Variants in DNAH11 observed in about 807,000 individuals in gnomAD.
DNAH11 encodes the protein dynein axonemal heavy chain 11, also known as axonemal beta dynein heavy chain 11.
In DNAH11, 442 loss-of-function variants were observed where a neutral mutation model predicts 526.0. That is an observed-to-expected ratio of 0.84 (90% CI 0.78 to 0.91). The LOEUF is 0.91. DNAH11 is among the 40% of genes least tolerant of loss of function. The pLI is 0.00. For missense variants in DNAH11, 6,989 were observed against 5,448.7 expected (o/e 1.28, Z -8.90); for synonymous variants, 2,461 against 1,935.9 (o/e 1.27, Z -7.12).
chr7:21,613,388 T>C (rs17144785), intron 20 of DNAH11, among the ~76,000 whole-genome samples: 4,186 of 152,294 alleles, frequency 0.027, 128 homozygotes, highest in South Asian at 0.081. Context: ...CATTAAAAAT[T>C]ATTAGTCATA....
chr7:21,806,679 A>AT (rs1483624586), intron 62 of DNAH11, among the ~76,000 whole-genome samples: 1 of 151,822 alleles, frequency 6.6e-6, no homozygotes, highest in African/African-American at 2.4e-5. Flanking sequence ...CAAATTGCTG[A>AT]TTTTTTTTCA....
At chr7:21,623,916 GTAAC>G (rs1022368993) in intron 25 of DNAH11, among the ~76,000 whole-genome samples, 10 of 151,292 alleles carry the variant, frequency 6.6e-5, no homozygotes, top group Non-Finnish European at 1.2e-4. Context: ...GTATACATAT[GTAAC>G]TAACCTGCAC....
chr7:21,824,870 G>A (rs769097837), intron 65 of DNAH11, among the ~76,000 whole-genome samples: 12 of 151,870 alleles, frequency 7.9e-5, no homozygotes, highest in Non-Finnish European at 1.6e-4. Context: ...TTGCAAATTC[G>A]TTACTATAAT....
At chr7:21,678,841 A>C (rs1414449904) in intron 30 of DNAH11, among the ~76,000 whole-genome samples, 1 of 152,216 alleles carries the variant, frequency 6.6e-6, no homozygotes, top group East Asian at 1.9e-4. Context: ...AATATTAAAA[A>C]TAGGACTACC....
At chr7:21,827,243 A>C (rs888127475) in intron 65 of DNAH11, among the ~76,000 whole-genome samples, 3 of 152,220 alleles carry the variant, frequency 2.0e-5, no homozygotes, top group African/African-American at 7.2e-5. Flanking sequence ...AGACAATCCT[A>C]ATTTTAAATA....
chr7:21,588,807 A>G (rs1335537061), intron 11 of DNAH11, among the ~76,000 whole-genome samples, 171 bp downstream of exon 11: 1 of 152,144 alleles, frequency 6.6e-6, no homozygotes, highest in Non-Finnish European at 1.5e-5. Context: ...GAATATTTCT[A>G]ATGGGACTCT....
At chr7:21,764,570 G>A (rs1374836350) in intron 54 of DNAH11, among the ~76,000 whole-genome samples, 1 of 152,212 alleles carries the variant, frequency 6.6e-6, no homozygotes, top group African/African-American at 2.4e-5. Flanking sequence ...AGAAGGAAAG[G>A]ATGCTCACTG....
chr7:21,868,926 C>G lies in DNAH11; in HGVS notation c.11902C>G (p.Gln3968Glu). The G allele has an allele frequency of 6.2e-7, 1 of 1,613,942 alleles. No homozygotes were observed. The highest frequency in any genetic ancestry group is 8.5e-7 in the Non-Finnish European group (1 of 1,179,884). The change falls in exon 73 of 82, where the codon CAG becomes GAG. Residue 3968 changes from glutamine (Q) to glutamate (E), a missense_variant. Coordinates refer to ENST00000409508, the MANE Select transcript of DNAH11 (RefSeq NM_001277115.2). The stretch of plus-strand genomic sequence containing the variant: ...CCACAATGTGTCTTTAGGACAAGGT[C>G]AGGAGACGGTGGCAGAAGTGGCCCT... ...KFHNVSLGQG[Q>E]ETVAEVALEK...
Position 21,543,642 on chromosome 7 carries a change from C to G in DNAH11, c.351+46C>G, listed in dbSNP as rs527759620. ...GGACCTGCCCATCCAACAAAACTAC[C>G]CAGGGGAGACAGCCCAGTCGCTCCC... On this transcript the variant is annotated intron_variant, in intron 1 of 81. Coordinates refer to ENST00000409508, the MANE Select transcript of DNAH11 (RefSeq NM_001277115.2). 164 of 1,536,794 alleles carry G rather than the reference C, an allele frequency of 1.1e-4. 1 individual carries two copies. In the Middle Eastern group the frequency reaches 2.5e-3, roughly 24 times the overall value.
At position 21,651,832 on chromosome 7, in the gene DNAH11, C is replaced by G. The variant is rs144509093; in HGVS notation, c.4945-4000C>G. On this transcript the variant is annotated intron_variant, in intron 28 of 81. Coordinates refer to ENST00000409508, the MANE Select transcript of DNAH11 (RefSeq NM_001277115.2). ...CATAGTTGATTACTAACTCTCCAGC[C>G]CACAAAAATCACTGCCTAAGTAACA... 3.3e-4 allele frequency among the ~76,000 whole-genome samples: 50 copies of G among 152,250 alleles called. 1 individual carries two copies. Among genetic ancestry groups the G allele is most frequent in the African/African-American group, 1.2e-3 (48 of 41,562 alleles).
chr7:21,844,309 G>C (rs111637269), intron 66 of DNAH11, among the ~76,000 whole-genome samples: 3,430 of 152,192 alleles, frequency 0.023, 134 homozygotes, highest in African/African-American at 0.078. Flanking sequence ...AACCGTAGCC[G>C]CAGCTACTGA....
intron 63 of DNAH11, among the ~76,000 whole-genome samples, chr7:21,811,852 G>A (rs895227273): frequency 6.6e-6 from 1 of 152,086 alleles, no homozygotes; most frequent in African/African-American, 2.4e-5. Flanking sequence ...TCAAAGAGTT[G>A]GGTACAGGAA....
At chr7:21,714,936 T>A (rs904250565) in intron 42 of DNAH11, among the ~76,000 whole-genome samples, 1 of 152,226 alleles carries the variant, frequency 6.6e-6, no homozygotes, top group Non-Finnish European at 1.5e-5. Flanking sequence ...CTTTCTTCTA[T>A]TACTTGAGCT....
intron 45 of DNAH11, among the ~76,000 whole-genome samples, chr7:21,734,044 C>A: frequency 6.6e-6 from 1 of 152,156 alleles, no homozygotes; most frequent in Non-Finnish European, 1.5e-5. Context: ...GCAGGATTCA[C>A]ACCCAGGCAG....
intron 54 of DNAH11, among the ~76,000 whole-genome samples, chr7:21,754,770 C>G (rs1786558217): frequency 6.6e-6 from 1 of 152,156 alleles, no homozygotes; most frequent in South Asian, 2.1e-4. Flanking sequence ...CTGTGGAAGG[C>G]TAATGGTCAG....
intron 63 of DNAH11, among the ~76,000 whole-genome samples, chr7:21,811,293 C>A (rs997477604): frequency 6.6e-6 from 1 of 151,226 alleles, no homozygotes; most frequent in Non-Finnish European, 1.5e-5. Flanking sequence ...TGAAACCCCC[C>A]CCCCTACTAA....
chr7:21,847,629 A>G lies in DNAH11; in HGVS notation c.10897-4838A>G, dbSNP rs146523116. Among the ~76,000 whole-genome samples, 154 of 152,256 alleles carry G rather than the reference A, an allele frequency of 1.0e-3. 2 individuals carry two copies. The highest frequency in any genetic ancestry group is 3.6e-3 in the African/African-American group (149 of 41,538). ...AATGTTCCATGTGAGCTTGAGAAAA[A>G]TGTATATTCTTCTGTAAGTGGATGA... On this transcript the variant is annotated intron_variant, in intron 66 of 81. Transcript: ENST00000409508.
intron 18 of DNAH11, among the ~76,000 whole-genome samples, chr7:21,602,556 ATT>A (rs1491184173): frequency 1.2e-4 from 12 of 103,494 alleles, no homozygotes; most frequent in Non-Finnish European, 1.6e-4. Context: ...TATTTTATAG[ATT>A]GTGTGTGTGT....
intron 50 of DNAH11, 42 bp from the exon 51 acceptor site, chr7:21,744,828 G>T: frequency 6.4e-7 from 1 of 1,571,948 alleles, no homozygotes; most frequent in Non-Finnish European, 8.6e-7. Flanking sequence ...GGACCTCTAT[G>T]GATGGTTGAC....
Sources: gnomAD v4.1 joint callset for allele counts (sites outside exome capture counted in the v4.1 genomes callset) on GRCh38, gnomAD v4.1.1 for gene constraint, MANE v1.5 for transcripts, NCBI Gene and HGNC (gene_info 2026-07-23, HGNC 2026-07-21) for gene names.